ZNF276: variants seen among roughly 807,000 people sequenced by gnomAD.
ZNF276 encodes centromere protein Z.
ZNF276 carries 59 observed loss-of-function variants against 63.9 expected under a neutral mutation model. That is an observed-to-expected ratio of 0.92 (90% CI 0.75 to 1.15). ZNF276 has a LOEUF of 1.15. Among genes scored for constraint, ZNF276 ranks in the 50% most tolerant of loss-of-function variants. ZNF276 has a pLI of 0.00. For missense variants in ZNF276, 1,084 were observed against 843.8 expected (o/e 1.28, Z -3.53); for synonymous variants, 496 against 348.4 (o/e 1.42, Z -4.72).
chr16:89,733,691 C>G, intron 8 of ZNF276, 134 bp downstream of exon 8: 1 of 1,019,884 alleles, frequency 9.8e-7, no homozygotes, highest in Non-Finnish European at 1.5e-6. Context: ...AGACCTGAAG[C>G]AGTCCTAGCC....
At chr16:89,733,890 C>A in intron 8 of ZNF276, 31 bp from the exon 9 acceptor site, 1 of 1,606,828 alleles carries the variant, frequency 6.2e-7, no homozygotes, top group South Asian at 1.1e-5. Context: ...GGGTGCGGCT[C>A]TGAGGGTCTC....
At position 89,728,438 on chromosome 16, in the gene ZNF276, G is replaced by C. The variant is rs62068389; in HGVS notation, c.1086-797G>C. 3.3e-3 allele frequency among the ~76,000 whole-genome samples: 491 copies of C among 150,686 alleles called. 1 individual carries two copies. Among genetic ancestry groups the C allele is most frequent in the African/African-American group, 9.5e-3 (391 of 40,998 alleles). On this transcript the variant is annotated intron_variant, in intron 5 of 10. Transcript: ENST00000443381. ...TTTTTATTTGAGACGGAGTCTCGCT[G>C]TGTTGCCCAGGCTGGAGTGCAGTGG...
Position 89,739,359 on chromosome 16 carries a change from C to T in ZNF276, c.*1113C>T. On this transcript the variant is annotated 3_prime_UTR_variant, in exon 11 of 11. Coordinates refer to ENST00000443381, the MANE Select transcript of ZNF276 (RefSeq NM_001113525.2). ...AGGTAGCAGGTGATGCCAAGGGATA[C>T]TGCTCATCTGTGGAGCAGAGGCACA... 6.2e-7 allele frequency: 1 copy of T among 1,601,178 alleles called. No homozygotes were observed. The highest frequency in any genetic ancestry group is 8.5e-7 in the Non-Finnish European group (1 of 1,170,686).
At position 89,729,221 on chromosome 16, in the gene ZNF276, C is replaced by T. The variant is rs776655713; in HGVS notation, c.1086-14C>T. On this transcript the variant is annotated splice_polypyrimidine_tract_variant and intron_variant, in intron 5 of 10. Transcript: ENST00000443381. Reference sequence around the variant, plus strand: ...GGCCCAGGGCTTTGCTGAAGATTCTCTCTTAATTCCTAGAGACGTCTTGAG... The same window carrying T: ...GGCCCAGGGCTTTGCTGAAGATTCTTTCTTAATTCCTAGAGACGTCTTGAG... 1.9e-5 allele frequency: 31 copies of T among 1,613,240 alleles called. No homozygotes were observed. The highest frequency in any genetic ancestry group is 1.5e-4 in the South Asian group (14 of 91,062).
Position 89,733,388 on chromosome 16 carries a change from G to C in ZNF276, c.1256G>C (p.Trp419Ser). Residue 419 changes from tryptophan to serine, a missense_variant, in exon 7 of 11, where the codon TGG (tryptophan) becomes TCG (serine). Coordinates refer to ENST00000443381, the MANE Select transcript of ZNF276 (RefSeq NM_001113525.2). ...AAGAAGCCGGGACCCAAGCCCGGATGGAAGAAGAAGCTTCGTTGTGAGAGG... is the reference window on the plus strand; with the variant it reads ...AAGAAGCCGGGACCCAAGCCCGGATCGAAGAAGAAGCTTCGTTGTGAGAGG... ...IRKKPGPKPG[W>S]KKKLRCEREE... is the part of the protein sequence containing the mutation. 1 of 1,614,172 alleles carries C rather than the reference G, an allele frequency of 6.2e-7. No homozygotes were observed. The highest frequency in any genetic ancestry group is 8.5e-7 in the Non-Finnish European group (1 of 1,180,034).
chr16:89,720,862 G>A (rs1361059329), upstream of ZNF276: 2 of 1,384,538 alleles, frequency 1.4e-6, no homozygotes, highest in African/African-American at 1.5e-5. Flanking sequence ...CAGCGGCCAT[G>A]GCGCCGAGCG....
upstream of ZNF276, chr16:89,720,843 C>T (rs2061245638): frequency 7.0e-7 from 1 of 1,425,558 alleles, no homozygotes; most frequent in Non-Finnish European, 9.2e-7. Context: ...ACCGTGCCGT[C>T]CCCGGCCGCA....
At chr16:89,724,109 C>T (rs369933737) in intron 4 of ZNF276, among the ~76,000 whole-genome samples, 1 of 152,238 alleles carries the variant, frequency 6.6e-6, no homozygotes, top group Non-Finnish European at 1.5e-5. Flanking sequence ...CAGGTCATTT[C>T]CTGGCACTCA....
rs1437525647 is a variant in ZNF276, at chr16:89,723,288, C to T, written c.585C>T (p.Cys195=). ...LVDLITSSPQ[C]LHGLVGWVHG... ...ATCTGATCACATCCAGCCCCCAGTG[C>T]CTGCACGGCTTGGTGGGGTGGGTGC... Residue 195 remains cysteine, a synonymous_variant, in exon 4 of 11, where the codon TGC becomes TGT. Transcript: ENST00000443381. 5 of 1,612,970 alleles carry T rather than the reference C, an allele frequency of 3.1e-6. No individual in the cohort carries two copies. Among genetic ancestry groups the T allele is most frequent in the African/African-American group, 1.3e-5 (1 of 74,956 alleles).
chr16:89,737,906 G>C lies in ZNF276; in HGVS notation c.1574+1G>C. ...GACATTCGGGAGCCAAGCCTTTGCA[G>C]TAAGTGTGAGTCAGGACCCCCTCCC... On this transcript the variant is annotated splice_donor_variant, in intron 10 of 10. Transcript: ENST00000443381. LOFTEE classifies it high-confidence loss of function. 1 of 1,594,468 alleles carries C rather than the reference G, an allele frequency of 6.3e-7. No individual in the cohort carries two copies.
Position 89,740,746 on chromosome 16 carries a change from G to C in ZNF276, c.*2500G>C, listed in dbSNP as rs1042325907. ...CCCTGACTTGGAAGCTGGCTGCCTG[G>C]TGCCCCTGCCTGGCCCACAGTGGGA... On this transcript the variant is annotated 3_prime_UTR_variant, in exon 11 of 11. Coordinates refer to ENST00000443381, the MANE Select transcript of ZNF276 (RefSeq NM_001113525.2). The C allele has an allele frequency of 2.7e-6, 4 of 1,477,106 alleles. No homozygotes were observed. In the African/African-American group the frequency reaches 4.2e-5, roughly 15 times the overall value. The allele number at this position is 1,477,106 out of a possible 1,614,324, so 91.5% of individuals were successfully genotyped here.
chr16:89,734,962 C>T (rs895977203), intron 9 of ZNF276, among the ~76,000 whole-genome samples: 1 of 152,106 alleles, frequency 6.6e-6, no homozygotes, highest in Non-Finnish European at 1.5e-5. Flanking sequence ...AGTTCAAGAC[C>T]AGCCTGGCCA....
rs1339834291 is a variant in ZNF276 at position 89,738,871 on chromosome 16, C to G, written c.*625C>G. The G allele has an allele frequency of 6.2e-7, 1 of 1,614,242 alleles. No individual in the cohort carries two copies. Among genetic ancestry groups the G allele is most frequent in the East Asian group, 2.2e-5 (1 of 44,886 alleles). On this transcript the variant is annotated 3_prime_UTR_variant, in exon 11 of 11. Coordinates refer to ENST00000443381, the MANE Select transcript of ZNF276 (RefSeq NM_001113525.2). ...CCCCCACATGGCCCAAGGTGGGCAT[C>G]TTGACGTTACCTCTGCCACGTGTGA...
upstream of ZNF276, chr16:89,721,180 G>C: frequency 4.2e-6 from 1 of 240,466 alleles, no homozygotes; most frequent in Admixed American, 5.7e-5. Context: ...CTCTACGTGA[G>C]ACCCCGGCCC....
upstream of ZNF276, chr16:89,720,808 C>T (rs1339485148): frequency 1.4e-6 from 2 of 1,459,414 alleles, no homozygotes; most frequent in Non-Finnish European, 1.8e-6. Context: ...CGTTGGCAAG[C>T]TTCATGGCGC....
chr16:89,724,087 C>T (rs1282345248), intron 4 of ZNF276, among the ~76,000 whole-genome samples: 4 of 152,246 alleles, frequency 2.6e-5, no homozygotes, highest in Non-Finnish European at 5.9e-5. Flanking sequence ...GGCTGCTGCC[C>T]TGGGCCAGCT....
At chr16:89,733,044 C>G in intron 6 of ZNF276, 1 of 476,132 alleles carries the variant, frequency 2.1e-6, no homozygotes, top group East Asian at 4.0e-5. Context: ...CCTGCTGTAC[C>G]CTGCGCCCTC....
rs904003922 is a variant in ZNF276, at chr16:89,739,730, G to T, written c.*1484G>T. ...CCTGTCAGCAGCTGGGAGAGGATGG[G>T]GGGGTCGACCTCTTGCAGGAGGGTG... On this transcript the variant is annotated 3_prime_UTR_variant, in exon 11 of 11. Coordinates refer to ENST00000443381, the MANE Select transcript of ZNF276 (RefSeq NM_001113525.2). 2.0e-6 allele frequency: 3 copies of T among 1,499,032 alleles called. No individual in the cohort carries two copies. Among genetic ancestry groups the T allele is most frequent in the African/African-American group, 1.4e-5 (1 of 72,306 alleles). The allele number at this position is 1,499,032 out of a possible 1,614,324, so 92.9% of individuals were successfully genotyped here. A position where few individuals can be genotyped will look rare whatever the true frequency, so the allele number is the denominator to read the frequency against.
intron 6 of ZNF276, among the ~76,000 whole-genome samples, chr16:89,731,267 T>C (rs2061640784): frequency 6.6e-6 from 1 of 152,236 alleles, no homozygotes. Context: ...TTTTGTCTTG[T>C]TTCTGAGATG....
Sources: gnomAD v4.1 joint callset for allele counts (sites outside exome capture counted in the v4.1 genomes callset) on GRCh38, gnomAD v4.1.1 for gene constraint, MANE v1.5 for transcripts, NCBI Gene and HGNC (gene_info 2026-07-23, HGNC 2026-07-21) for gene names.